The following CAMK2D variants were observed in gnomAD, a reference collection of about 807,000 sequenced individuals.
CAMK2D encodes calcium/calmodulin-dependent protein kinase type II subunit delta.
A neutral mutation model predicts 84.0 loss-of-function variants in CAMK2D; 37 were observed. The ratio of observed to expected loss-of-function variants is 0.44; its 90% CI spans 0.34 to 0.58. The LOEUF is 0.58. Among genes scored for constraint, CAMK2D ranks in the 20% least tolerant of loss-of-function variants. The pLI, the probability that CAMK2D is intolerant of heterozygous loss-of-function variation, is 0.02. For synonymous variants in CAMK2D, 202 were observed against 212.5 expected (o/e 0.95, Z 0.43); for missense variants, 448 against 652.5 (o/e 0.69, Z 3.41).
chr4:113,623,287 T>C (rs7655098), intron 3 of CAMK2D, among the ~76,000 whole-genome samples: 5,579 of 152,250 alleles, frequency 0.037, 338 homozygotes, highest in African/African-American at 0.13. Context: ...TATTCTGTGA[T>C]AAGTATTTTA....
chr4:113,704,507 T>C (rs1372445626), intron 2 of CAMK2D, among the ~76,000 whole-genome samples: 3 of 151,906 alleles, frequency 2.0e-5, no homozygotes, highest in African/African-American at 7.3e-5. Flanking sequence ...TATATTGTAA[T>C]GTATACCAAC....
At chr4:113,542,049 C>A (rs79300755) in intron 6 of CAMK2D, among the ~76,000 whole-genome samples, 4 of 152,268 alleles carry the variant, frequency 2.6e-5, no homozygotes, top group East Asian at 3.9e-4. Flanking sequence ...CATATATGAG[C>A]AAGTTCATAA....
chr4:113,759,266 T>C (rs2099635415), intron 2 of CAMK2D, 54 bp downstream of exon 2: 1 of 1,091,606 alleles, frequency 9.2e-7, no homozygotes. Flanking sequence ...ACAGAACCTA[T>C]AATCAACATG....
intron 3 of CAMK2D, among the ~76,000 whole-genome samples, chr4:113,640,162 A>G (rs1249770759): frequency 6.6e-6 from 1 of 152,042 alleles, no homozygotes; most frequent in Non-Finnish European, 1.5e-5. Flanking sequence ...AGGGTGGAAA[A>G]CAAGTTCCAT....
At chr4:113,731,925 C>T (rs2099569980) in intron 2 of CAMK2D, among the ~76,000 whole-genome samples, 2 of 151,984 alleles carry the variant, frequency 1.3e-5, no homozygotes, top group Non-Finnish European at 2.9e-5. Flanking sequence ...AACTTCATTC[C>T]CATTTGTTAT....
At chr4:113,575,130 G>A (rs1335010741) in intron 4 of CAMK2D, among the ~76,000 whole-genome samples, 1 of 152,168 alleles carries the variant, frequency 6.6e-6, no homozygotes, top group Non-Finnish European at 1.5e-5. Flanking sequence ...AACTACAGAA[G>A]TGAGGGGGTT....
chr4:113,499,044 G>C (rs1203326299), intron 16 of CAMK2D, among the ~76,000 whole-genome samples: 1 of 152,146 alleles, frequency 6.6e-6, no homozygotes, highest in East Asian at 1.9e-4. Context: ...AGGGAAGAAT[G>C]TGAAAATTCA....
intron 8 of CAMK2D, among the ~76,000 whole-genome samples, chr4:113,525,340 A>ATC (rs1307919734): frequency 6.6e-6 from 1 of 152,168 alleles, no homozygotes; most frequent in Non-Finnish European, 1.5e-5. Flanking sequence ...TTTTTAGGCC[A>ATC]AATTGTAGAA....
At chr4:113,480,117 A>G (rs1290473490) in intron 16 of CAMK2D, among the ~76,000 whole-genome samples, 1 of 151,964 alleles carries the variant, frequency 6.6e-6, no homozygotes, top group East Asian at 1.9e-4. Context: ...GCATGCCGCC[A>G]CACCGGCTAA....
At position 113,616,568 on chromosome 4, in the gene CAMK2D, T is replaced by G. The variant is rs572834334; in HGVS notation, c.221-7362A>C. 2.6e-5 allele frequency among the ~76,000 whole-genome samples: 4 copies of G among 152,294 alleles called. No homozygotes were observed. The East Asian group carries it at 5.8e-4, about 22-fold the overall frequency. ...GTTATTACCTGGGAGAATTTCAACCTGGGAAGAAATTAGAAAGTGGGAGAT... is the reference window on the plus strand; with the variant it reads ...GTTATTACCTGGGAGAATTTCAACCGGGGAAGAAATTAGAAAGTGGGAGAT... On this transcript the variant is annotated intron_variant, in intron 3 of 20. Coordinates refer to ENST00000511664, the MANE Select transcript of CAMK2D (RefSeq NM_001321571.2).
chr4:113,526,657 A>C (rs1373328493), intron 8 of CAMK2D, among the ~76,000 whole-genome samples: 1 of 151,898 alleles, frequency 6.6e-6, no homozygotes, highest in Non-Finnish European at 1.5e-5. Context: ...CATTATTTTA[A>C]AAGGTTAGAT....
intron 2 of CAMK2D, among the ~76,000 whole-genome samples, chr4:113,749,218 G>C (rs2099611445): frequency 6.6e-6 from 1 of 151,544 alleles, no homozygotes; most frequent in South Asian, 2.1e-4. Context: ...CTCTAATTTA[G>C]TATATGTATT....
At chr4:113,492,295 C>G (rs962945998) in intron 16 of CAMK2D, among the ~76,000 whole-genome samples, 1 of 152,028 alleles carries the variant, frequency 6.6e-6, no homozygotes, top group African/African-American at 2.4e-5. Context: ...ATAAATTTCC[C>G]TCTACACACT....
chr4:113,490,933 G>A lies in CAMK2D; in HGVS notation c.1135+9530C>T, dbSNP rs946091388. Among the ~76,000 whole-genome samples, 118 of 84,460 alleles carry A rather than the reference G, an allele frequency of 1.4e-3. 11 individuals are homozygous for A. The highest frequency in any genetic ancestry group is 6.7e-3 in the African/African-American group (113 of 16,750). 55.4% of individuals were successfully genotyped at this position (84,460 alleles called of 152,430 possible). On this transcript the variant is annotated intron_variant, in intron 16 of 20. Transcript: ENST00000511664. ...TGAATGGGAGTTCACTCAGGATTTG[G>A]CTCTCTGTTTGTCTGTTGTTGGTGT...
At chr4:113,639,485 C>T (rs1472652943) in intron 3 of CAMK2D, among the ~76,000 whole-genome samples, 1 of 151,846 alleles carries the variant, frequency 6.6e-6, no homozygotes, top group Non-Finnish European at 1.5e-5. Context: ...TGCATAGGGC[C>T]ACTGTGCAAA....
rs149560165 is a variant in CAMK2D, at chr4:113,552,395, C to A, written c.276-299G>T. ...TCAATTTTTCAAATATTAATGATAT[C>A]TGACAAAATTTTGGCACAGTTTAGA... On this transcript the variant is annotated intron_variant, in intron 4 of 20. Transcript: ENST00000511664. Among the ~76,000 whole-genome samples, 4 of 152,206 alleles carry A rather than the reference C, an allele frequency of 2.6e-5. No homozygotes were observed. In the East Asian group the frequency reaches 7.7e-4, roughly 29 times the overall value.
chr4:113,488,196 T>C (rs1178821941), intron 16 of CAMK2D, among the ~76,000 whole-genome samples: 1 of 152,044 alleles, frequency 6.6e-6, no homozygotes, highest in Non-Finnish European at 1.5e-5. Flanking sequence ...GGGAAAAAAA[T>C]AGATACATGA....
chr4:113,675,812 A>T (rs1215308744), intron 2 of CAMK2D, among the ~76,000 whole-genome samples: 5 of 152,190 alleles, frequency 3.3e-5, no homozygotes, highest in African/African-American at 1.2e-4. Flanking sequence ...TATTTTCTTC[A>T]TTCATAATTT....
intron 3 of CAMK2D, among the ~76,000 whole-genome samples, chr4:113,624,121 T>G (rs1268936816): frequency 6.6e-6 from 1 of 152,286 alleles, no homozygotes; most frequent in East Asian, 1.9e-4. Flanking sequence ...CTATTTTCTG[T>G]AGTTCTTGGA....
Sources: gnomAD v4.1 joint callset for allele counts (sites outside exome capture counted in the v4.1 genomes callset) on GRCh38, gnomAD v4.1.1 for gene constraint, MANE v1.5 for transcripts, NCBI Gene and HGNC (gene_info 2026-07-23, HGNC 2026-07-21) for gene names.